EPHA3: variants seen among roughly 807,000 people sequenced by gnomAD.
The protein encoded by EPHA3 is EPH receptor A3, also known as ephrin type-A receptor 3.
EPHA3 carries 42 observed loss-of-function variants against 107.1 expected under a neutral mutation model. That is an observed-to-expected ratio of 0.39 (90% CI 0.31 to 0.51). The LOEUF (loss-of-function observed/expected upper bound fraction) is 0.51. EPHA3 is among the 20% of genes least tolerant of loss of function. The probability of loss-of-function intolerance (pLI) is 0.78; values close to 1 mark genes in which losing one functional copy is unlikely to be tolerated. For missense variants in EPHA3, 1,183 were observed against 1,211.2 expected (o/e 0.98, Z 0.35); for synonymous variants, 461 against 424.8 (o/e 1.09, Z -1.05).
At chr3:89,329,530 G>A (rs1707244010) in intron 3 of EPHA3, among the ~76,000 whole-genome samples, 1 of 151,478 alleles carries the variant, frequency 6.6e-6, no homozygotes, top group Non-Finnish European at 1.5e-5. Context: ...CATTCTTCCT[G>A]TCCTCTAAAA....
chr3:89,419,168 A>T (rs745443072), intron 10 of EPHA3, 37 bp from the exon 11 acceptor site: 9 of 1,526,932 alleles, frequency 5.9e-6, no homozygotes, highest in Non-Finnish European at 7.0e-6. Flanking sequence ...TTATTATAGA[A>T]TTCCTTACAT....
At chr3:89,305,148 C>T (rs954759610) in intron 3 of EPHA3, among the ~76,000 whole-genome samples, 14 of 152,138 alleles carry the variant, frequency 9.2e-5, no homozygotes. Flanking sequence ...ACTTGCAATA[C>T]TTTCCATATT....
chr3:89,296,775 T>C (rs572111285), intron 3 of EPHA3, among the ~76,000 whole-genome samples: 9 of 152,338 alleles, frequency 5.9e-5, no homozygotes, highest in African/African-American at 1.9e-4. Flanking sequence ...TGGTATTTTC[T>C]TCAAATATAA....
chr3:89,221,501 T>C (rs1485522728), intron 3 of EPHA3, among the ~76,000 whole-genome samples: 2 of 152,214 alleles, frequency 1.3e-5, no homozygotes, highest in Non-Finnish European at 2.9e-5. Context: ...ATGTACCCTT[T>C]TTGGTCTACT....
At chr3:89,467,317 G>A (rs934361833) in intron 15 of EPHA3, among the ~76,000 whole-genome samples, 8 of 152,078 alleles carry the variant, frequency 5.3e-5, no homozygotes, top group Non-Finnish European at 1.0e-4. Flanking sequence ...TTGCTTTTTA[G>A]ATTTAATGTA....
In EPHA3 at chr3:89,374,704, C is replaced by T. The variant is rs1239007457; in HGVS notation, c.1307-21133C>T. Among the ~76,000 whole-genome samples, 7 of 151,426 alleles carry T rather than the reference C, an allele frequency of 4.6e-5. No individual in the cohort carries two copies. The Admixed American group carries it at 4.6e-4, about 10-fold the overall frequency. ...AGGATGTCTGCTGCTTGTTTGAGGG[C>T]CAATTGTCATGATACATCTCAGCTA... is the stretch of plus-strand genomic sequence containing the variant. On this transcript the variant is annotated intron_variant, in intron 5 of 16. Transcript: ENST00000336596.
chr3:89,110,489 T>C (rs1448751254), intron 1 of EPHA3, among the ~76,000 whole-genome samples: 1 of 151,986 alleles, frequency 6.6e-6, no homozygotes, highest in Non-Finnish European at 1.5e-5. Flanking sequence ...CTCTCTTATA[T>C]GCTTTCAAGA....
intron 3 of EPHA3, among the ~76,000 whole-genome samples, chr3:89,314,023 G>A (rs1337283012): frequency 6.6e-6 from 1 of 151,806 alleles, no homozygotes; most frequent in Non-Finnish European, 1.5e-5. Flanking sequence ...CACACATGAA[G>A]AATTAATGTT....
At chr3:89,329,741 T>C (rs1214650488) in intron 3 of EPHA3, among the ~76,000 whole-genome samples, 2 of 152,072 alleles carry the variant, frequency 1.3e-5, no homozygotes. Flanking sequence ...GATATTTTAT[T>C]TTCATAACAC....
intron 3 of EPHA3, among the ~76,000 whole-genome samples, chr3:89,223,504 A>G (rs1275561247): frequency 6.6e-6 from 1 of 152,166 alleles, no homozygotes; most frequent in Non-Finnish European, 1.5e-5. Flanking sequence ...ACTCCAGATG[A>G]GGGTCATGAT....
At chr3:89,392,553 T>G (rs1708766653) in intron 5 of EPHA3, among the ~76,000 whole-genome samples, 1 of 152,166 alleles carries the variant, frequency 6.6e-6, no homozygotes, top group Non-Finnish European at 1.5e-5. Flanking sequence ...ATTTTGCCTG[T>G]AGCTCTCAGC....
intron 16 of EPHA3, among the ~76,000 whole-genome samples, chr3:89,473,450 G>A (rs1392971656): frequency 6.6e-6 from 1 of 152,184 alleles, no homozygotes; most frequent in Non-Finnish European, 1.5e-5. Context: ...AAAGTAGAGT[G>A]TTTGGGAATT....
intron 3 of EPHA3, among the ~76,000 whole-genome samples, chr3:89,262,367 AT>A (rs1559623435): frequency 6.6e-6 from 1 of 152,072 alleles, no homozygotes; most frequent in Non-Finnish European, 1.5e-5. Flanking sequence ...CCCTCTGAGG[AT>A]TCTAGGGAAA....
At chr3:89,160,589 T>C (rs7652752) in intron 2 of EPHA3, among the ~76,000 whole-genome samples, 21,560 of 144,998 alleles carry the variant, frequency 0.15, 1,634 homozygotes, top group Middle Eastern at 0.19. Context: ...TGTGTGTGTG[T>C]GCGCGCATTC....
At position 89,210,343 on chromosome 3, in the gene EPHA3, C is replaced by G. The variant is rs1293200426; in HGVS notation, c.637C>G (p.Pro213Ala). The change falls in exon 3 of 17, where the codon CCA (proline) becomes GCA (alanine). Residue 213 changes from proline (P) to alanine (A), a missense_variant. Coordinates refer to ENST00000336596, the MANE Select transcript of EPHA3 (RefSeq NM_005233.6). ...PFTVKNLAMF[P>A]DTVPMDSQSL... ...TACAGTGAAGAATCTGGCTATGTTT[C>G]CAGACACGGTACCCATGGACTCCCA... is the stretch of plus-strand genomic sequence containing the variant. 1.2e-6 allele frequency: 2 copies of G among 1,613,576 alleles called. No homozygotes were observed. The highest frequency in any genetic ancestry group is 8.5e-7 in the Non-Finnish European group (1 of 1,179,778).
intron 2 of EPHA3, among the ~76,000 whole-genome samples, chr3:89,196,627 C>T (rs1396474296): frequency 6.6e-6 from 1 of 152,092 alleles, no homozygotes; most frequent in Non-Finnish European, 1.5e-5. Flanking sequence ...ATTTCACCTG[C>T]TCGGAATGTG....
chr3:89,268,827 T>C (rs536436638), intron 3 of EPHA3, among the ~76,000 whole-genome samples: 2 of 152,040 alleles, frequency 1.3e-5, no homozygotes, highest in East Asian at 3.9e-4. Context: ...CAAAGTGCTA[T>C]AAAATAATTT....
intron 5 of EPHA3, among the ~76,000 whole-genome samples, chr3:89,363,053 T>C (rs1708124512): frequency 1.3e-5 from 2 of 150,946 alleles, no homozygotes; most frequent in South Asian, 4.2e-4. Context: ...GCTAGGTATC[T>C]ATCTACTCTC....
chr3:89,406,083 T>C (rs1709050063), intron 7 of EPHA3, among the ~76,000 whole-genome samples: 1 of 152,136 alleles, frequency 6.6e-6, no homozygotes, highest in Non-Finnish European at 1.5e-5. Flanking sequence ...GAGACCAAAT[T>C]AGGAATTTCT....
Sources: gnomAD v4.1 joint callset for allele counts (sites outside exome capture counted in the v4.1 genomes callset) on GRCh38, gnomAD v4.1.1 for gene constraint, MANE v1.5 for transcripts, NCBI Gene and HGNC (gene_info 2026-07-23, HGNC 2026-07-21) for gene names.